PCCA: variants seen among roughly 807,000 people sequenced by gnomAD.
PCCA encodes the protein propionyl-CoA carboxylase alpha chain, mitochondrial.
PCCA carries 74 observed loss-of-function variants against 101.3 expected under a neutral mutation model. That is an observed-to-expected ratio of 0.73 (90% CI 0.61 to 0.89). The LOEUF (loss-of-function observed/expected upper bound fraction) is 0.89. Among genes scored for constraint, PCCA ranks in the 40% least tolerant of loss-of-function variants. PCCA has a pLI of 0.00. For synonymous variants in PCCA, 294 were observed against 313.6 expected, an observed-to-expected ratio of 0.94 and a Z score of 0.66; for missense variants, 891 against 907.0, an observed-to-expected ratio of 0.98 and a Z score of 0.23.
Position 100,530,135 on chromosome 13 carries a change from G to GAGA in PCCA, c.2159_2161dup (p.Glu720dup). ...CACTGTCAAGCTGGAGACACAGTTG[G>GAGA]AGAAGGGGATCTGCTCGTGGAGCTG... On this transcript the variant is annotated inframe_insertion, in exon 24 of 24. Coordinates refer to ENST00000376285, the MANE Select transcript of PCCA (RefSeq NM_000282.4). 1 of 1,614,100 alleles carries GAGA rather than the reference G, an allele frequency of 6.2e-7. No individual in the cohort carries two copies. Among genetic ancestry groups the GAGA allele is most frequent in the Non-Finnish European group, 8.5e-7 (1 of 1,179,952 alleles).
intron 4 of PCCA, chr13:100,150,905 A>T: frequency 6.4e-7 from 1 of 1,550,506 alleles, no homozygotes. Flanking sequence ...GCAAACACGA[A>T]TCCTATATAT....
intron 7 of PCCA, among the ~76,000 whole-genome samples, chr13:100,228,806 A>T (rs1006757808): frequency 3.9e-4 from 59 of 151,470 alleles, no homozygotes; most frequent in African/African-American, 1.4e-3. Context: ...AGGCTGAGGC[A>T]GGAGAATCGT....
chr13:100,430,736 G>A (rs2079489632), intron 20 of PCCA, among the ~76,000 whole-genome samples: 1 of 152,124 alleles, frequency 6.6e-6, no homozygotes, highest in African/African-American at 2.4e-5. Context: ...TCATGTGCCG[G>A]TATAACAGCC....
chr13:100,166,927 AC>A lies in PCCA; in HGVS notation c.468+9588del, dbSNP rs1317311169. Among the ~76,000 whole-genome samples, 4 of 152,230 alleles carry A rather than the reference AC, an allele frequency of 2.6e-5. No individual in the cohort carries two copies. The South Asian group carries it at 8.3e-4, about 32-fold the overall frequency. On this transcript the variant is annotated intron_variant, in intron 6 of 23. Coordinates refer to ENST00000376285, the MANE Select transcript of PCCA (RefSeq NM_000282.4). ...ACCACCCTTTAAATTTAACTGTTAT[AC>A]TATGTAGTGATGTCTTATTGTGGTT...
chr13:100,192,803 C>T (rs1010714256), intron 6 of PCCA, among the ~76,000 whole-genome samples: 2 of 152,208 alleles, frequency 1.3e-5, no homozygotes, highest in East Asian at 1.9e-4. Flanking sequence ...CCTTTTCCCC[C>T]TCAAATGCTC....
rs563240968 is a variant in PCCA, at chr13:100,283,292, G to A, written c.1065+9946G>A. Among the ~76,000 whole-genome samples the A allele has an allele frequency of 1.5e-4, 23 of 152,236 alleles. No individual in the cohort carries two copies. In the South Asian group the frequency reaches 2.7e-3, roughly 18 times the overall value. ...CGAAGAAAGGGACAAATTCCCTACC[G>A]GTCAGCAACCCATCCCCAGTATGGA... On this transcript the variant is annotated intron_variant, in intron 12 of 23. Transcript: ENST00000376285.
chr13:100,248,355 C>T (rs945039462), intron 8 of PCCA, among the ~76,000 whole-genome samples: 4 of 152,136 alleles, frequency 2.6e-5, no homozygotes, highest in African/African-American at 4.8e-5. Context: ...TTCCTCCCTC[C>T]ACTATGTTGG....
rs1281720035 is a variant in PCCA, at chr13:100,274,586, C to G, written c.1065+1240C>G. Among the ~76,000 whole-genome samples, 7 of 152,264 alleles carry G rather than the reference C, an allele frequency of 4.6e-5. No individual in the cohort carries two copies. The East Asian group carries it at 1.4e-3, about 29-fold the overall frequency. ...GGGAGAATCCACTCCATGCCTCTCT[C>G]CTGGTTCTGGTGTTGCCGACAGTCC... On this transcript the variant is annotated intron_variant, in intron 12 of 23. Coordinates refer to ENST00000376285, the MANE Select transcript of PCCA (RefSeq NM_000282.4).
chr13:100,438,282 G>A (rs1288774817), intron 20 of PCCA, among the ~76,000 whole-genome samples: 1 of 151,964 alleles, frequency 6.6e-6, no homozygotes, highest in Non-Finnish European at 1.5e-5. Flanking sequence ...TGCCTTCTGA[G>A]TAGGTGGGAC....
chr13:100,216,336 A>C (rs1472058524), intron 7 of PCCA, among the ~76,000 whole-genome samples: 1 of 152,256 alleles, frequency 6.6e-6, no homozygotes, highest in Non-Finnish European at 1.5e-5. Flanking sequence ...GATTGGAATC[A>C]TCGAGAGAGA....
chr13:100,185,729 C>A (rs1467618257), intron 6 of PCCA, among the ~76,000 whole-genome samples: 1 of 151,960 alleles, frequency 6.6e-6, no homozygotes, highest in African/African-American at 2.4e-5. Flanking sequence ...CTCACCGCAG[C>A]CTCCACCTCC....
At chr13:100,146,285 G>C (rs2052553774) in intron 4 of PCCA, among the ~76,000 whole-genome samples, 2 of 150,798 alleles carry the variant, frequency 1.3e-5, no homozygotes, top group Admixed American at 6.6e-5. Context: ...ATTTAAAAAT[G>C]GTTAATGGTG....
intron 17 of PCCA, among the ~76,000 whole-genome samples, chr13:100,333,552 T>G (rs2152740300): frequency 6.6e-6 from 1 of 152,362 alleles, no homozygotes; most frequent in South Asian, 2.1e-4. Context: ...ACATGAGAAA[T>G]TATTCTTGTC....
At chr13:100,126,882 G>A (rs1566529692) in intron 4 of PCCA, among the ~76,000 whole-genome samples, 1 of 152,108 alleles carries the variant, frequency 6.6e-6, no homozygotes, top group Non-Finnish European at 1.5e-5. Flanking sequence ...TTAAAGCAGT[G>A]TTATGGGTAA....
intron 4 of PCCA, among the ~76,000 whole-genome samples, chr13:100,127,989 C>T (rs116609774): frequency 0.011 from 1,745 of 152,332 alleles, 39 homozygotes; most frequent in African/African-American, 0.04. Context: ...TTTACAGCCT[C>T]CCTCATTCAG....
intron 19 of PCCA, among the ~76,000 whole-genome samples, chr13:100,374,524 G>A (rs780150154): frequency 5.5e-4 from 83 of 152,042 alleles, no homozygotes; most frequent in Non-Finnish European, 8.2e-4. Flanking sequence ...CCACTCAGGA[G>A]AAAATAAGTT....
intron 4 of PCCA, among the ~76,000 whole-genome samples, chr13:100,151,389 C>T (rs2053297452): frequency 6.6e-6 from 1 of 152,044 alleles, no homozygotes; most frequent in Admixed American, 6.6e-5. Flanking sequence ...GTCGGGAGTT[C>T]GAGACCAGCC....
At chr13:100,309,620 A>G (rs1407185564) in intron 15 of PCCA, among the ~76,000 whole-genome samples, 2 of 152,272 alleles carry the variant, frequency 1.3e-5, no homozygotes, top group East Asian at 3.9e-4. Flanking sequence ...TACTATGATA[A>G]TGAAATGTAG....
intron 21 of PCCA, among the ~76,000 whole-genome samples, chr13:100,470,080 C>T (rs773069665): frequency 3.3e-5 from 5 of 152,110 alleles, no homozygotes; most frequent in South Asian, 2.1e-4. Flanking sequence ...ATGGTTCTTG[C>T]GTCGTTTCCA....
Sources: allele counts gnomAD v4.1 joint callset (sites outside exome capture counted in the v4.1 genomes callset), GRCh38; gene constraint gnomAD v4.1.1; transcripts MANE v1.5; gene names NCBI Gene and HGNC (gene_info 2026-07-23, HGNC 2026-07-21).